The following MGST1 variants were observed in gnomAD, a reference collection of about 807,000 sequenced individuals.
MGST1 encodes the protein microsomal glutathione S-transferase 1, also known as glutathione S-transferase 12.
Under a neutral mutation model 8.9 loss-of-function variants are expected in MGST1, and 5 were observed. That is an observed-to-expected ratio of 0.56 (90% CI 0.29 to 1.19). The LOEUF (loss-of-function observed/expected upper bound fraction) is 1.19, where lower values mean the gene tolerates loss of function less well. Ranked by LOEUF, MGST1 falls within the 50% of genes most tolerant of loss-of-function variation. MGST1 has a pLI of 0.08. For synonymous variants in MGST1, 54 were observed against 67.8 expected (o/e 0.80, Z 1.00); for missense variants, 182 against 187.4 (o/e 0.97, Z 0.17).
At chr12:16,495,115 G>A (rs931582679) in intron 4 of MGST1, among the ~76,000 whole-genome samples, 3 of 152,094 alleles carry the variant, frequency 2.0e-5, no homozygotes, top group African/African-American at 7.2e-5. Context: ...CTAACACCAT[G>A]TCCTACAATG....
At chr12:16,357,041 CA>C (rs770837027) in intron 2 of MGST1, among the ~76,000 whole-genome samples, 14 of 152,182 alleles carry the variant, frequency 9.2e-5, no homozygotes, top group Non-Finnish European at 1.9e-4. Context: ...GCTTCCTTTT[CA>C]CTATTTTTAT....
In MGST1 at chr12:16,548,813, A is replaced by G. The variant is rs1037116087; in HGVS notation, n.483-40715A>G. 2 of 152,150 alleles carry G rather than the reference A, an allele frequency of 1.3e-5. No individual in the cohort carries two copies. The highest frequency in any genetic ancestry group is 4.8e-5 in the African/African-American group (2 of 41,430). 9.4% of individuals were successfully genotyped at this position (152,150 alleles called of 1,614,324 possible). A position where few individuals can be genotyped will look rare whatever the true frequency, so the allele number is the denominator to read the frequency against. On this transcript the variant is annotated intron_variant and non_coding_transcript_variant, in intron 4 of 4. Coordinates refer to the MGST1 transcript ENST00000538857. This position sits in a 1 kb window ranked among gnomAD's most constrained non-coding sequence, Gnocchi z 4.2. ...CTTGTCTTATTTCACGATTTCATGG[A>G]GATTAAAGATAATCTAAACAGATTA...
chr12:16,458,889 A>G lies in MGST1; in HGVS notation n.482+75285A>G, dbSNP rs948437674. 1.2e-4 allele frequency among the ~76,000 whole-genome samples: 18 copies of G among 152,156 alleles called. No individual in the cohort carries two copies. Among genetic ancestry groups the G allele is most frequent in the Admixed American group, 1.1e-3 (17 of 15,258 alleles). ...TAAGTAGTGGCTTGTTAGGAAAGCT[A>G]TATGACCTATCCTGCTGAGCTGAGA... On this transcript the variant is annotated intron_variant and non_coding_transcript_variant, in intron 4 of 4. Coordinates refer to the MGST1 transcript ENST00000538857. This position sits in a 1 kb window ranked among gnomAD's most constrained non-coding sequence, Gnocchi z 4.0.
intron 1 of MGST1, among the ~76,000 whole-genome samples, chr12:16,386,315 G>A (rs961864442): frequency 2.6e-5 from 4 of 152,202 alleles, no homozygotes; most frequent in African/African-American, 9.7e-5. Context: ...GAAGGAAAGT[G>A]CTCCGCAGGC....
rs1277712306 is a variant in MGST1 at position 16,503,653 on chromosome 12, G to A, written n.483-85875G>A. On this transcript the variant is annotated intron_variant and non_coding_transcript_variant, in intron 4 of 4. Coordinates refer to the MGST1 transcript ENST00000538857. The surrounding 1 kb of genome is among the most constrained non-coding windows in gnomAD (Gnocchi z 4.8). ...CCCCAGACCGAAAGGAGGGCTAGTT[G>A]AAATAGGGATAGGGTGGCAGCAGCT... 6.6e-6 allele frequency among the ~76,000 whole-genome samples: 1 copy of A among 152,178 alleles called. No homozygotes were observed. The highest frequency in any genetic ancestry group is 2.4e-5 in the African/African-American group (1 of 41,448).
intron 1 of MGST1, chr12:16,402,477 C>A: frequency 6.6e-7 from 1 of 1,518,648 alleles, no homozygotes; most frequent in Non-Finnish European, 9.1e-7. Flanking sequence ...CCCGGCTCTG[C>A]CACCTGCTCT....
At chr12:16,354,129 G>A (rs1939599781) in intron 1 of MGST1, 102 bp from the exon 2 acceptor site, 1 of 843,110 alleles carries the variant, frequency 1.2e-6, no homozygotes, top group Non-Finnish European at 1.8e-6. Flanking sequence ...ATATTTTTAA[G>A]AACAGTATAA....
intron 4 of MGST1, among the ~76,000 whole-genome samples, chr12:16,566,417 C>T (rs1404327426): frequency 1.3e-5 from 2 of 151,772 alleles, no homozygotes. Flanking sequence ...GTTTTCAACA[C>T]ACAAAAAAAT....
intron 4 of MGST1, chr12:16,549,803 C>T (rs1161605255): frequency 1.3e-5 from 2 of 152,050 alleles, no homozygotes; most frequent in African/African-American, 2.4e-5. Context: ...TTCTCATTTC[C>T]TTAATTGTAA....
At chr12:16,515,404 C>T (rs1941605571) in intron 4 of MGST1, among the ~76,000 whole-genome samples, 1 of 152,028 alleles carries the variant, frequency 6.6e-6, no homozygotes, top group Non-Finnish European at 1.5e-5. Flanking sequence ...AATCCCAGCA[C>T]TTTGGGTGGG....
Position 16,547,453 on chromosome 12 carries a change from T to G in MGST1, n.483-42075T>G, listed in dbSNP as rs1941839279. 6.6e-6 allele frequency among the ~76,000 whole-genome samples: 1 copy of G among 152,180 alleles called. No homozygotes were observed. Among genetic ancestry groups the G allele is most frequent in the African/African-American group, 2.4e-5 (1 of 41,450 alleles). Reference sequence around the variant, plus strand: ...ATATTTTCTGGGGCTTTCATATCAATAACATGCTGGAGAGGTAGAAGATGC... The same window carrying G: ...ATATTTTCTGGGGCTTTCATATCAAGAACATGCTGGAGAGGTAGAAGATGC... On this transcript the variant is annotated intron_variant and non_coding_transcript_variant, in intron 4 of 4. Coordinates refer to the MGST1 transcript ENST00000538857. This position sits in a 1 kb window ranked among gnomAD's most constrained non-coding sequence, Gnocchi z 4.6.
intron 1 of MGST1, among the ~76,000 whole-genome samples, chr12:16,424,240 C>T (rs918955711): frequency 6.6e-5 from 10 of 152,212 alleles, no homozygotes; most frequent in African/African-American, 1.9e-4. Context: ...TGCACAAACA[C>T]GTCACAGTCT....
At chr12:16,561,412 A>C (rs1431110563) in intron 4 of MGST1, among the ~76,000 whole-genome samples, 1 of 152,176 alleles carries the variant, frequency 6.6e-6, no homozygotes, top group Non-Finnish European at 1.5e-5. Context: ...ACTAGGAAGC[A>C]AACTAGATGA....
intron 1 of MGST1, among the ~76,000 whole-genome samples, chr12:16,386,164 C>G (rs1011359366): frequency 6.6e-6 from 1 of 152,146 alleles, no homozygotes; most frequent in Non-Finnish European, 1.5e-5. Context: ...CCAAAGTATC[C>G]AAGCAGTTTG....
chr12:16,521,153 T>G (rs1360589888), intron 4 of MGST1, among the ~76,000 whole-genome samples: 2 of 152,246 alleles, frequency 1.3e-5, no homozygotes, highest in East Asian at 1.9e-4. Context: ...GTTCTGATCG[T>G]GTATACTTAA....
At chr12:16,590,617 G>A (rs1943462874), downstream of MGST1, among the ~76,000 whole-genome samples, 2 of 151,338 alleles carry the variant, frequency 1.3e-5, no homozygotes, top group African/African-American at 4.9e-5. Flanking sequence ...AAAAAAAATC[G>A]GTATCATTGT....
At chr12:16,496,766 C>T (rs1941473279) in intron 4 of MGST1, among the ~76,000 whole-genome samples, 2 of 151,730 alleles carry the variant, frequency 1.3e-5, no homozygotes, top group South Asian at 4.2e-4. Context: ...TTCAGGAACA[C>T]CTAAGACCAA....
At chr12:16,540,971 G>T (rs1941789808) in intron 4 of MGST1, among the ~76,000 whole-genome samples, 1 of 152,094 alleles carries the variant, frequency 6.6e-6, no homozygotes, top group African/African-American at 2.4e-5. Context: ...CCTGATTTTG[G>T]ATTCACAACC....
At position 16,360,209 on chromosome 12, in the gene MGST1, T is replaced by C. The variant is rs1939925080; in HGVS notation, c.221+2510T>C. The C allele has an allele frequency of 1.4e-5, 5 of 347,900 alleles. No individual in the cohort carries two copies. In the South Asian group the frequency reaches 5.7e-4, roughly 39 times the overall value. The allele number at this position is 347,900 out of a possible 1,614,324, so 21.6% of individuals were successfully genotyped here. A position where few individuals can be genotyped will look rare whatever the true frequency, so the allele number is the denominator to read the frequency against. On this transcript the variant is annotated intron_variant, in intron 3 of 3. Transcript: ENST00000396210. ...CGAAAAAGTGCCTAATAACACACTT[T>C]TGGAGACACTTTTCAGAGAGAGCGT...
Sources: gnomAD v4.1 joint callset for allele counts (sites outside exome capture counted in the v4.1 genomes callset) on GRCh38, gnomAD v4.1.1 for gene constraint, Gnocchi (gnomAD v3.1) non-coding constraint, MANE v1.5 for transcripts, NCBI Gene and HGNC (gene_info 2026-07-23, HGNC 2026-07-21) for gene names.